Variants in PPFIA2 observed in about 807,000 individuals in gnomAD.
The protein encoded by PPFIA2 is PPFI scaffold protein A2, also known as liprin-alpha-2.
PPFIA2 carries 46 observed loss-of-function variants against 175.5 expected under a neutral mutation model. The observed-to-expected ratio is 0.26, with a 90% CI of 0.21 to 0.34. The LOEUF is 0.34. Among genes scored for constraint, PPFIA2 ranks in the 10% least tolerant of loss-of-function variants. The pLI is 1.00. For synonymous variants in PPFIA2, 568 were observed against 511.4 expected, an observed-to-expected ratio of 1.11 and a Z score of -1.49; for missense variants, 1,179 against 1,506.1, an observed-to-expected ratio of 0.78 and a Z score of 3.60.
intron 3 of PPFIA2, among the ~76,000 whole-genome samples, chr12:81,738,732 T>C (rs1015797551): frequency 4.6e-5 from 7 of 151,286 alleles, no homozygotes; most frequent in African/African-American, 1.7e-4. Context: ...GTAGACTAAA[T>C]ACAAATATAC....
At chr12:81,497,398 T>C (rs907564271) in intron 4 of PPFIA2, among the ~76,000 whole-genome samples, 1 of 152,070 alleles carries the variant, frequency 6.6e-6, no homozygotes, top group African/African-American at 2.4e-5. Context: ...GTCTCTTCAT[T>C]AGGGCAAAGT....
At chr12:81,439,701 C>T (rs1323761520) in intron 7 of PPFIA2, among the ~76,000 whole-genome samples, 5 of 152,140 alleles carry the variant, frequency 3.3e-5, no homozygotes, top group Admixed American at 6.6e-5. Context: ...AAACGACTGA[C>T]GTTCTGCCTG....
intron 4 of PPFIA2, among the ~76,000 whole-genome samples, chr12:81,618,325 T>A (rs1224711186): frequency 2.6e-5 from 4 of 152,022 alleles, no homozygotes; most frequent in Non-Finnish European, 5.9e-5. Context: ...ATTAACTGTT[T>A]CATTCCTAGT....
chr12:81,484,815 TG>T (rs1945420526), intron 4 of PPFIA2, among the ~76,000 whole-genome samples: 1 of 151,952 alleles, frequency 6.6e-6, no homozygotes, highest in Admixed American at 6.6e-5. Context: ...GGCTATAAGT[TG>T]TGATGATTTT....
rs1457696027 is a variant in PPFIA2 at position 81,258,265 on chromosome 12, C to A, written c.*1429G>T. 1.3e-5 allele frequency: 2 copies of A among 152,018 alleles called. No individual in the cohort carries two copies. Among genetic ancestry groups the A allele is most frequent in the East Asian group, 3.9e-4 (2 of 5,188 alleles). The allele number at this position is 152,018 out of a possible 1,614,324, so 9.4% of individuals were successfully genotyped here. ...TAGAAAACAAAGCTTAAACAGAGAA[C>A]TGGAATTATTATTTTTTTTATTGAC... is the stretch of plus-strand genomic sequence containing the variant. On this transcript the variant is annotated 3_prime_UTR_variant, in exon 33 of 33. Coordinates refer to ENST00000549396, the MANE Select transcript of PPFIA2 (RefSeq NM_003625.5).
intron 3 of PPFIA2, among the ~76,000 whole-genome samples, chr12:81,714,086 C>T (rs1196583515): frequency 6.6e-6 from 1 of 150,642 alleles, no homozygotes; most frequent in Admixed American, 6.8e-5. Context: ...AGGGGACCAG[C>T]GTAATTGGAG....
chr12:81,353,193 T>C lies in PPFIA2; in HGVS notation c.1920A>G (p.Pro640=). The change falls in exon 17 of 33, where the codon CCA becomes CCG. Residue 640 remains proline, a synonymous_variant. Transcript: ENST00000549396. ...GCGTCTGGGCATCGGAATGACCACT[T>C]GGAGAGAGAAGATCCATTGAGCTAA... ...TIFSSMDLLS[P]SGHSDAQTLA... The C allele has an allele frequency of 6.2e-7, 1 of 1,613,868 alleles. No homozygotes were observed.
At chr12:81,529,390 T>C (rs1005776852) in intron 4 of PPFIA2, among the ~76,000 whole-genome samples, 1 of 152,000 alleles carries the variant, frequency 6.6e-6, no homozygotes, top group African/African-American at 2.4e-5. Context: ...TTCTTGAATT[T>C]ATATTTTTCT....
chr12:81,379,254 C>A (rs959727210), intron 9 of PPFIA2, among the ~76,000 whole-genome samples: 2 of 151,334 alleles, frequency 1.3e-5, no homozygotes, highest in African/African-American at 4.9e-5. Flanking sequence ...TTGCTACCTA[C>A]AAAAAAAATG....
intron 4 of PPFIA2, among the ~76,000 whole-genome samples, chr12:81,570,142 C>T (rs899552603): frequency 6.6e-6 from 1 of 152,058 alleles, no homozygotes; most frequent in African/African-American, 2.4e-5. Context: ...TGATGGCTAA[C>T]CATATGGTTA....
chr12:81,368,916 A>G lies in PPFIA2; in HGVS notation c.1351-60T>C. 9 of 1,524,350 alleles carry G rather than the reference A, an allele frequency of 5.9e-6. No individual in the cohort carries two copies. In the South Asian group the frequency reaches 1.1e-4, roughly 18 times the overall value. 94.4% of individuals were successfully genotyped at this position (1,524,350 alleles called of 1,614,324 possible). ...AAAAACTGTTTGAGATTATTTTTAT[A>G]GTGTTGCTAGTTTTAAATTGAATTT... is the stretch of plus-strand genomic sequence containing the variant. On this transcript the variant is annotated intron_variant, in intron 12 of 32. Coordinates refer to ENST00000549396, the MANE Select transcript of PPFIA2 (RefSeq NM_003625.5).
chr12:81,753,027 C>T (rs1197883425), intron 3 of PPFIA2, among the ~76,000 whole-genome samples: 4 of 151,672 alleles, frequency 2.6e-5, no homozygotes, highest in Non-Finnish European at 5.9e-5. Context: ...CTCTGCCTCC[C>T]GGGTTCAAGC....
chr12:81,353,336 TCAC>T lies in PPFIA2; in HGVS notation c.1774_1776del (p.Val592del). ...TTCCACTCGTGATCCCCAAGAGATTTCACCTGAATGGTGAATGAAAAAATGCAG... is the reference window on the plus strand; with the variant it reads ...TTCCACTCGTGATCCCCAAGAGATTTCTGAATGGTGAATGAAAAAATGCAG... On this transcript the variant is annotated inframe_deletion and splice_region_variant, in exon 17 of 33. Transcript: ENST00000549396. 6.2e-7 allele frequency: 1 copy of T among 1,608,458 alleles called. No homozygotes were observed. Among genetic ancestry groups the T allele is most frequent in the Non-Finnish European group, 8.5e-7 (1 of 1,175,018 alleles).
chr12:81,562,304 T>G (rs1379395670), intron 4 of PPFIA2, among the ~76,000 whole-genome samples: 1 of 152,204 alleles, frequency 6.6e-6, no homozygotes, highest in East Asian at 1.9e-4. Context: ...GGGTTAATTG[T>G]CTTGATGTTC....
chr12:81,602,953 C>A (rs892527473), intron 4 of PPFIA2, among the ~76,000 whole-genome samples: 1 of 151,810 alleles, frequency 6.6e-6, no homozygotes, highest in East Asian at 1.9e-4. Flanking sequence ...CAATCAAATA[C>A]GTTTCCGGTG....
At chr12:81,445,451 C>T in intron 6 of PPFIA2, 105 bp downstream of exon 6, 1 of 1,064,918 alleles carries the variant, frequency 9.4e-7, no homozygotes, top group African/African-American at 1.6e-5. Flanking sequence ...AAGTGTTCCT[C>T]AACTGACTGA....
At chr12:81,663,375 A>G (rs2069356997) in intron 4 of PPFIA2, among the ~76,000 whole-genome samples, 1 of 152,162 alleles carries the variant, frequency 6.6e-6, no homozygotes, top group Non-Finnish European at 1.5e-5. Flanking sequence ...AAAAATCACA[A>G]ACATTCTTAT....
chr12:81,295,088 A>T lies in PPFIA2; in HGVS notation c.2725-53T>A. 3.4e-6 allele frequency: 5 copies of T among 1,483,844 alleles called. No individual in the cohort carries two copies. In the South Asian group the frequency reaches 6.0e-5, roughly 18 times the overall value. 91.9% of individuals were successfully genotyped at this position (1,483,844 alleles called of 1,614,324 possible). On this transcript the variant is annotated intron_variant, in intron 23 of 32. Transcript: ENST00000549396. ...AAATTATAATAATAGTTATCATTTTAGTGTCTCATATGCTAGGAATTATTT... is the reference window on the plus strand; with the variant it reads ...AAATTATAATAATAGTTATCATTTTTGTGTCTCATATGCTAGGAATTATTT...
chr12:81,435,878 A>T (rs1300987527), intron 7 of PPFIA2, among the ~76,000 whole-genome samples: 2 of 152,150 alleles, frequency 1.3e-5, no homozygotes, highest in African/African-American at 2.4e-5. Flanking sequence ...CAAGCAGATT[A>T]TCATAATATA....
Sources: gnomAD v4.1 joint callset for allele counts (sites outside exome capture counted in the v4.1 genomes callset) on GRCh38, gnomAD v4.1.1 for gene constraint, MANE v1.5 for transcripts, NCBI Gene and HGNC (gene_info 2026-07-23, HGNC 2026-07-21) for gene names.